NDST4: variants seen among roughly 807,000 people sequenced by gnomAD.
The protein encoded by NDST4 is N-heparan sulfate sulfotransferase 4.
A neutral mutation model predicts 100.8 loss-of-function variants in NDST4; 63 were observed. That is an observed-to-expected ratio of 0.62 (90% CI 0.51 to 0.77). NDST4 has a LOEUF of 0.77. Among genes scored for constraint, NDST4 ranks in the 30% least tolerant of loss-of-function variants. The pLI is 0.00. For synonymous variants in NDST4, 377 were observed against 361.8 expected (o/e 1.04, Z -0.48); for missense variants, 943 against 1,018.4 (o/e 0.93, Z 1.01).
At position 114,852,802 on chromosome 4, in the gene NDST4, C is replaced by T. The variant is rs1723706893; in HGVS notation, c.1739G>A (p.Arg580Gln). The change falls in exon 8 of 14, where the codon CGA (arginine) becomes CAA (glutamine). Residue 580 changes from arginine (R) to glutamine (Q), a missense_variant. Physicochemically the swap from Arg to Gln is conservative, Grantham distance 43. This residue lies in a region of NDST4 where 526 missense variants were observed against 634.1 expected (regional missense o/e 0.83). Transcript: ENST00000264363. ...PLWQNPCDDKRHKDIWSREKT... is the reference protein window; with the variant it reads ...PLWQNPCDDKQHKDIWSREKT... Reference sequence around the variant, plus strand: ...CTCTCTGGACCAGATGTCTTTGTGTCGTTTATCATCACATGGATTCTGCAA... The same window carrying T: ...CTCTCTGGACCAGATGTCTTTGTGTTGTTTATCATCACATGGATTCTGCAA... 1 of 1,611,508 alleles carries T rather than the reference C, an allele frequency of 6.2e-7. No homozygotes were observed. Among genetic ancestry groups the T allele is most frequent in the Non-Finnish European group, 8.5e-7 (1 of 1,178,454 alleles).
intron 2 of NDST4, among the ~76,000 whole-genome samples, chr4:114,998,610 T>G (rs1420303098): frequency 2.0e-5 from 3 of 152,082 alleles, no homozygotes; most frequent in East Asian, 3.9e-4. Context: ...TAAGCCTCAT[T>G]GCTCTCAGAT....
chr4:114,961,620 A>G (rs1270641707), intron 4 of NDST4, among the ~76,000 whole-genome samples: 3 of 152,040 alleles, frequency 2.0e-5, no homozygotes, highest in Non-Finnish European at 4.4e-5. Flanking sequence ...GACACACACA[A>G]ACTACTGAAA....
intron 2 of NDST4, among the ~76,000 whole-genome samples, chr4:115,008,993 C>A (rs1727482052): frequency 7.9e-6 from 1 of 126,700 alleles, no homozygotes; most frequent in Admixed American, 8.1e-5. Flanking sequence ...TGAAGGACCT[C>A]TTCAAGGAGA....
At chr4:114,979,151 A>G (rs952441580) in intron 2 of NDST4, among the ~76,000 whole-genome samples, 2 of 151,816 alleles carry the variant, frequency 1.3e-5, no homozygotes, top group Non-Finnish European at 2.9e-5. Context: ...CTCTTTGCCT[A>G]GAAAGCCTCC....
At chr4:114,988,462 T>C (rs908473949) in intron 2 of NDST4, among the ~76,000 whole-genome samples, 1 of 145,042 alleles carries the variant, frequency 6.9e-6, no homozygotes, top group East Asian at 2.2e-4. Flanking sequence ...CCCGGGTTCA[T>C]GCCATCCTCC....
In NDST4 at chr4:114,829,862, T is replaced by C. The variant is rs200333450; in HGVS notation, c.2427A>G (p.Gln809=). Residue 809 remains glutamine (Q), a synonymous_variant, in exon 13 of 14, where the codon CAA becomes CAG. Transcript: ENST00000264363. The part of the protein sequence containing the change: ...TFDPQKGFWC[Q]LLEGGKTKCL... ...ATTTTGTCTTTCCTCCTTCCAGTAA[T>C]TGACACCAAAAACCCTTTTGGGGAT... The C allele has an allele frequency of 2.9e-5, 46 of 1,611,818 alleles. No homozygotes were observed. Among genetic ancestry groups the C allele is most frequent in the South Asian group, 5.5e-5 (5 of 90,668 alleles).
At chr4:115,040,296 T>C in intron 2 of NDST4, among the ~76,000 whole-genome samples, 1 of 149,504 alleles carries the variant, frequency 6.7e-6, no homozygotes, top group Admixed American at 6.8e-5. Context: ...TAAGGTACTA[T>C]TCCAAGGGCC....
At chr4:114,956,422 G>A (rs116590784) in intron 4 of NDST4, among the ~76,000 whole-genome samples, 2,263 of 152,254 alleles carry the variant, frequency 0.015, 63 homozygotes, top group African/African-American at 0.051. Context: ...TAAGGAGGAG[G>A]CTGTTGTTAT....
At chr4:114,965,754 T>C (rs1401912676) in intron 4 of NDST4, among the ~76,000 whole-genome samples, 1 of 152,006 alleles carries the variant, frequency 6.6e-6, no homozygotes, top group Non-Finnish European at 1.5e-5. Flanking sequence ...AACAACAAAA[T>C]ACAATTTTTA....
chr4:114,922,564 C>G (rs918033902), intron 6 of NDST4, among the ~76,000 whole-genome samples: 2 of 152,176 alleles, frequency 1.3e-5, no homozygotes, highest in Admixed American at 6.5e-5. Flanking sequence ...TGTTCCTGCT[C>G]TAAAGCTTTT....
At chr4:114,922,969 A>G (rs1725319409) in intron 6 of NDST4, among the ~76,000 whole-genome samples, 1 of 152,190 alleles carries the variant, frequency 6.6e-6, no homozygotes, top group East Asian at 1.9e-4. Flanking sequence ...GGCTCAGGGG[A>G]TGAGAAAGAG....
intron 6 of NDST4, among the ~76,000 whole-genome samples, chr4:114,929,170 A>ATCTATCT (rs1464235515): frequency 6.7e-6 from 1 of 149,992 alleles, no homozygotes; most frequent in Non-Finnish European, 1.5e-5. Flanking sequence ...CTATGTATCT[A>ATCTATCT]AATCCTGCTG....
intron 2 of NDST4, among the ~76,000 whole-genome samples, chr4:115,057,544 T>C (rs958366438): frequency 6.6e-6 from 1 of 152,076 alleles, no homozygotes; most frequent in Non-Finnish European, 1.5e-5. Flanking sequence ...CATCAGACAA[T>C]GTTGGTTATA....
chr4:114,978,626 T>C (rs570289082), intron 2 of NDST4, among the ~76,000 whole-genome samples: 2 of 152,220 alleles, frequency 1.3e-5, no homozygotes, highest in East Asian at 3.9e-4. Flanking sequence ...TAGTTGAACA[T>C]ATTGGTAAAT....
intron 2 of NDST4, among the ~76,000 whole-genome samples, chr4:114,983,752 G>A (rs796177632): frequency 1.9e-4 from 29 of 152,276 alleles, no homozygotes; most frequent in African/African-American, 6.0e-4. Flanking sequence ...GGAGGGGCCA[G>A]GGGCAGAATG....
intron 2 of NDST4, among the ~76,000 whole-genome samples, chr4:115,057,859 TAATA>T (rs1382246214): frequency 6.6e-6 from 1 of 152,062 alleles, no homozygotes; most frequent in African/African-American, 2.4e-5. Flanking sequence ...AGCTTAACAA[TAATA>T]TATATACTAT....
At chr4:115,107,873 T>C (rs1314342555) in intron 1 of NDST4, among the ~76,000 whole-genome samples, 1 of 152,088 alleles carries the variant, frequency 6.6e-6, no homozygotes, top group African/African-American at 2.4e-5. Context: ...TAGAGTAATT[T>C]AAGTATTGAA....
At chr4:114,996,191 T>G (rs1167960608) in intron 2 of NDST4, among the ~76,000 whole-genome samples, 1 of 151,946 alleles carries the variant, frequency 6.6e-6, no homozygotes, top group Non-Finnish European at 1.5e-5. Context: ...ATGGATGCAG[T>G]TTCCCCTATG....
At chr4:114,889,964 A>C (rs944729802) in intron 6 of NDST4, among the ~76,000 whole-genome samples, 1 of 152,188 alleles carries the variant, frequency 6.6e-6, no homozygotes, top group African/African-American at 2.4e-5. Flanking sequence ...ATTCGCACGA[A>C]GGGACAAAGT....
Sources: allele counts gnomAD v4.1 joint callset (sites outside exome capture counted in the v4.1 genomes callset), GRCh38; gene constraint gnomAD v4.1.1; regional missense constraint gnomAD v4.1.1; transcripts MANE v1.5; gene names NCBI Gene and HGNC (gene_info 2026-07-23, HGNC 2026-07-21).